Variants in B3GALT1 observed in about 807,000 individuals in gnomAD.
The protein encoded by B3GALT1 is UDP-Gal:betaGlcNAc beta 1,3-galactosyltransferase, polypeptide 1.
A neutral mutation model predicts 23.2 loss-of-function variants in B3GALT1; 10 were observed. The observed-to-expected ratio is 0.43, with a 90% confidence interval of 0.27 to 0.73. B3GALT1 has a LOEUF of 0.73. Among genes scored for constraint, B3GALT1 ranks in the 30% least tolerant of loss-of-function variants. The pLI is 0.21. For synonymous variants in B3GALT1, 156 were observed against 141.5 expected (o/e 1.10, Z -0.73); for missense variants, 299 against 405.4 (o/e 0.74, Z 2.25).
At chr2:167,412,060 G>A (rs915690848) in intron 1 of B3GALT1, among the ~76,000 whole-genome samples, 2 of 151,980 alleles carry the variant, frequency 1.3e-5, no homozygotes, top group East Asian at 1.9e-4. Context: ...GTAGGGTGTG[G>A]GGATGAAGGA....
chr2:167,490,630 C>T (rs911664076), intron 2 of B3GALT1, among the ~76,000 whole-genome samples: 5 of 152,200 alleles, frequency 3.3e-5, no homozygotes, highest in African/African-American at 4.8e-5. Context: ...TGTGAGGGGG[C>T]TGCTCACAAG....
intron 3 of B3GALT1, among the ~76,000 whole-genome samples, chr2:167,817,544 C>T (rs1408551577): frequency 1.3e-5 from 2 of 151,862 alleles, no homozygotes. Flanking sequence ...CATCACACAA[C>T]AGTGATTATC....
chr2:167,704,047 A>G (rs981340794), intron 3 of B3GALT1, among the ~76,000 whole-genome samples: 16 of 151,902 alleles, frequency 1.1e-4, no homozygotes, highest in Non-Finnish European at 1.8e-4. Context: ...CGGGTGTGGT[A>G]TCAGGCGCCT....
chr2:167,544,928 C>T lies in B3GALT1; in HGVS notation c.-410+54651C>T, dbSNP rs140088432. ...ACGCGCATGTACCCAGAGTGTGCAGCGGCAAGATTTATAAAAGCGAAAGTA... is the reference window on the plus strand; with the variant it reads ...ACGCGCATGTACCCAGAGTGTGCAGTGGCAAGATTTATAAAAGCGAAAGTA... On this transcript the variant is annotated intron_variant, in intron 2 of 4. Coordinates refer to ENST00000392690, the MANE Select transcript of B3GALT1 (RefSeq NM_020981.4). Among the ~76,000 whole-genome samples, 158 of 149,388 alleles carry T rather than the reference C, an allele frequency of 1.1e-3. 1 individual carries two copies. The East Asian group carries it at 0.014, about 13-fold the overall frequency.
intron 3 of B3GALT1, among the ~76,000 whole-genome samples, chr2:167,746,156 T>A (rs1278475663): frequency 6.6e-6 from 1 of 152,118 alleles, no homozygotes; most frequent in Non-Finnish European, 1.5e-5. Flanking sequence ...ACATTAAAAC[T>A]GTTATTATTA....
At chr2:167,450,572 C>G (rs1340200403) in intron 1 of B3GALT1, among the ~76,000 whole-genome samples, 1 of 152,176 alleles carries the variant, frequency 6.6e-6, no homozygotes, top group African/African-American at 2.4e-5. Flanking sequence ...TGCTGTTAAT[C>G]TCATAGATTT....
intron 2 of B3GALT1, among the ~76,000 whole-genome samples, chr2:167,581,354 A>G (rs1422176830): frequency 6.6e-6 from 1 of 152,234 alleles, no homozygotes; most frequent in East Asian, 1.9e-4. Context: ...TAGAAACACT[A>G]TAATAAATTG....
At chr2:167,654,493 T>TTC (rs978021148) in intron 3 of B3GALT1, among the ~76,000 whole-genome samples, 1 of 151,830 alleles carries the variant, frequency 6.6e-6, no homozygotes, top group Admixed American at 6.6e-5. Context: ...GCTTTTTGTT[T>TTC]TCTCTCTCTC....
chr2:167,728,500 C>T (rs1234770887), intron 3 of B3GALT1, among the ~76,000 whole-genome samples: 1 of 152,160 alleles, frequency 6.6e-6, no homozygotes, highest in Non-Finnish European at 1.5e-5. Context: ...TATACCATTA[C>T]AAATAACTGA....
rs1416610243 is a variant in B3GALT1, at chr2:167,871,360, A to C, written c.*1340A>C. The C allele has an allele frequency of 6.6e-6, 1 of 152,248 alleles. No homozygotes were observed. Among genetic ancestry groups the C allele is most frequent in the Admixed American group, 6.5e-5 (1 of 15,288 alleles). The allele number at this position is 152,248 out of a possible 1,614,324, so 9.4% of individuals were successfully genotyped here. A position where few individuals can be genotyped will look rare whatever the true frequency, so the allele number is the denominator to read the frequency against. On this transcript the variant is annotated 3_prime_UTR_variant, in exon 5 of 5. Coordinates refer to ENST00000392690, the MANE Select transcript of B3GALT1 (RefSeq NM_020981.4). ...TATCATGTATTATGCTAAATGCTAAAATAATTGCATAATTACAATGATGGT... is the reference window on the plus strand; with the variant it reads ...TATCATGTATTATGCTAAATGCTAACATAATTGCATAATTACAATGATGGT...
intron 1 of B3GALT1, among the ~76,000 whole-genome samples, chr2:167,380,501 A>T (rs1313363379): frequency 1.3e-5 from 2 of 152,118 alleles, no homozygotes; most frequent in African/African-American, 2.4e-5. Context: ...GGAAGCCCCT[A>T]TTCCACTCCA....
intron 1 of B3GALT1, among the ~76,000 whole-genome samples, chr2:167,430,949 G>A (rs923077216): frequency 6.6e-6 from 1 of 152,152 alleles, no homozygotes; most frequent in Non-Finnish European, 1.5e-5. Context: ...TTATTAGGAG[G>A]AATAAATGAA....
In B3GALT1 at chr2:167,522,353, T is replaced by C. The variant is rs574866691; in HGVS notation, c.-410+32076T>C. Among the ~76,000 whole-genome samples, 3 of 152,198 alleles carry C rather than the reference T, an allele frequency of 2.0e-5. No homozygotes were observed. The East Asian group carries it at 5.8e-4, about 29-fold the overall frequency. On this transcript the variant is annotated intron_variant, in intron 2 of 4. Coordinates refer to ENST00000392690, the MANE Select transcript of B3GALT1 (RefSeq NM_020981.4). ...TTTGCCTCTTCTTCTCCCAGCTTTG[T>C]TCTTTCTTTATTTTTGCCCTGAAAA...
chr2:167,852,490 G>C (rs923689662), intron 4 of B3GALT1, among the ~76,000 whole-genome samples: 47 of 151,874 alleles, frequency 3.1e-4, no homozygotes, highest in Admixed American at 3.1e-3. Context: ...GTGTGTGTGT[G>C]TGTGTGTGTG....
chr2:167,854,822 C>T (rs1189296447), intron 4 of B3GALT1, among the ~76,000 whole-genome samples: 1 of 152,138 alleles, frequency 6.6e-6, no homozygotes, highest in Non-Finnish European at 1.5e-5. Flanking sequence ...ATTTATTGAC[C>T]ATAGTCACAT....
At chr2:167,631,776 T>C (rs1034127607) in intron 2 of B3GALT1, among the ~76,000 whole-genome samples, 3 of 149,952 alleles carry the variant, frequency 2.0e-5, no homozygotes, top group East Asian at 2.0e-4. Flanking sequence ...TTTCTTTTTT[T>C]TTTTTTTTTT....
At chr2:167,663,812 G>A (rs1686117985) in intron 3 of B3GALT1, among the ~76,000 whole-genome samples, 1 of 152,022 alleles carries the variant, frequency 6.6e-6, no homozygotes, top group Non-Finnish European at 1.5e-5. Context: ...GGGGTTCTTT[G>A]TTTTTTTCTT....
rs564902222 is a variant in B3GALT1 at position 167,716,045 on chromosome 2, G to A, written c.-352+69079G>A. On this transcript the variant is annotated intron_variant, in intron 3 of 4. Transcript: ENST00000392690. ...GGACCAGCCCCAAGTAGGGCCGAGC[G>A]GTAGCGCCGGGCTCCTCCATAGCGC... The A allele has an allele frequency of 6.2e-6, 10 of 1,600,008 alleles. No individual in the cohort carries two copies. In the South Asian group the frequency reaches 6.6e-5, roughly 11 times the overall value.
intron 4 of B3GALT1, among the ~76,000 whole-genome samples, chr2:167,845,686 G>A (rs1036144757): frequency 3.3e-5 from 5 of 151,808 alleles, no homozygotes; most frequent in African/African-American, 1.2e-4. Context: ...GACAAAACAA[G>A]GCTCTTTAAC....
Sources: allele counts gnomAD v4.1 joint callset (sites outside exome capture counted in the v4.1 genomes callset), GRCh38; gene constraint gnomAD v4.1.1; transcripts MANE v1.5; gene names NCBI Gene and HGNC (gene_info 2026-07-23, HGNC 2026-07-21).